Variants in MBD5 observed in about 807,000 individuals in gnomAD.
The protein encoded by MBD5 is methyl-CpG-binding domain protein 5.
A neutral mutation model predicts 117.3 loss-of-function variants in MBD5; 13 were observed. That is an observed-to-expected ratio of 0.11 (90% CI 0.07 to 0.18). The LOEUF is 0.18. Ranked by LOEUF, MBD5 falls within the 10% of genes least tolerant of loss-of-function variation. The pLI is 1.00. For synonymous variants in MBD5, 727 were observed against 766.4 expected (o/e 0.95, Z 0.85); for missense variants, 1,879 against 2,093.8 (o/e 0.90, Z 2.00).
chr2:148,287,618 G>A (rs1270359123), intron 3 of MBD5, among the ~76,000 whole-genome samples: 2 of 152,154 alleles, frequency 1.3e-5, no homozygotes, highest in South Asian at 2.1e-4. Context: ...AAAGAAAAAC[G>A]TATTTCTCAT....
At chr2:148,201,846 C>T (rs751265817) in intron 2 of MBD5, among the ~76,000 whole-genome samples, 8 of 151,402 alleles carry the variant, frequency 5.3e-5, no homozygotes, top group Non-Finnish European at 8.8e-5. Context: ...TGTGAGTATG[C>T]AAAAAAGGCT....
intron 3 of MBD5, among the ~76,000 whole-genome samples, chr2:148,276,510 A>G (rs1216898195): frequency 3.3e-5 from 5 of 152,204 alleles, no homozygotes; most frequent in Non-Finnish European, 5.9e-5. Context: ...TGCAGACCTT[A>G]TGAACTTTTA....
At chr2:148,150,532 A>G (rs1288695528) in intron 1 of MBD5, among the ~76,000 whole-genome samples, 1 of 152,178 alleles carries the variant, frequency 6.6e-6, no homozygotes, top group African/African-American at 2.4e-5. Context: ...TACCTTGGGC[A>G]GTATGGCCAT....
chr2:148,449,393 G>A (rs1008534825), intron 4 of MBD5, among the ~76,000 whole-genome samples: 40 of 151,938 alleles, frequency 2.6e-4, no homozygotes, highest in African/African-American at 9.2e-4. Flanking sequence ...AGCTCAGTTC[G>A]TAATAATTTC....
At chr2:148,348,958 G>A (rs1010283950) in intron 4 of MBD5, among the ~76,000 whole-genome samples, 4 of 151,860 alleles carry the variant, frequency 2.6e-5, no homozygotes, top group African/African-American at 7.2e-5. Flanking sequence ...ATACCATTTC[G>A]AACTAGTCAG....
chr2:148,145,724 T>C (rs1441033032), intron 1 of MBD5, among the ~76,000 whole-genome samples: 1 of 152,184 alleles, frequency 6.6e-6, no homozygotes, highest in East Asian at 1.9e-4. Flanking sequence ...TTTTTGTCTT[T>C]GGTCTGCTTA....
chr2:148,236,106 A>G (rs983302738), intron 3 of MBD5, among the ~76,000 whole-genome samples: 4 of 151,958 alleles, frequency 2.6e-5, no homozygotes, highest in African/African-American at 9.7e-5. Context: ...CCTCCTTTTG[A>G]TAGTGAAAGG....
At chr2:148,281,648 TC>T (rs758526215) in intron 3 of MBD5, among the ~76,000 whole-genome samples, 2 of 152,160 alleles carry the variant, frequency 1.3e-5, no homozygotes, top group Non-Finnish European at 2.9e-5. Context: ...GCTTTGGAAA[TC>T]ATTTTGCAGG....
At chr2:148,337,624 AT>A (rs1050949973) in intron 3 of MBD5, among the ~76,000 whole-genome samples, 1 of 152,008 alleles carries the variant, frequency 6.6e-6, no homozygotes, top group African/African-American at 2.4e-5. Context: ...ACTGAGAGAG[AT>A]TTTTTACTCC....
intron 4 of MBD5, among the ~76,000 whole-genome samples, chr2:148,429,764 T>C (rs760333295): frequency 2.0e-5 from 3 of 151,970 alleles, no homozygotes; most frequent in Non-Finnish European, 4.4e-5. Flanking sequence ...CCAAACACCA[T>C]ATGTTCTCAC....
At chr2:148,445,380 T>G (rs1302065942) in intron 4 of MBD5, among the ~76,000 whole-genome samples, 1 of 150,364 alleles carries the variant, frequency 6.7e-6, no homozygotes, top group Non-Finnish European at 1.5e-5. Flanking sequence ...AGTGAGAACA[T>G]GCGGTGTTTG....
intron 1 of MBD5, among the ~76,000 whole-genome samples, chr2:148,154,793 C>T (rs538889365): frequency 1.2e-3 from 188 of 152,294 alleles, no homozygotes; most frequent in African/African-American, 3.5e-3. Flanking sequence ...CTTCGGCTCG[C>T]GCACGGTGCA....
intron 4 of MBD5, among the ~76,000 whole-genome samples, chr2:148,352,596 A>C (rs1257355281): frequency 6.6e-6 from 1 of 152,084 alleles, no homozygotes; most frequent in African/African-American, 2.4e-5. Flanking sequence ...CATTTGAAAA[A>C]ATATTTTATG....
Position 148,469,450 on chromosome 2 carries a change from T to A in MBD5, c.1507T>A (p.Ser503Thr), listed in dbSNP as rs1281306312. 2 of 1,613,748 alleles carry A rather than the reference T, an allele frequency of 1.2e-6. No homozygotes were observed. Among genetic ancestry groups the A allele is most frequent in the East Asian group, 2.2e-5 (1 of 44,892 alleles). Residue 503 changes from serine (S) to threonine (T), a missense_variant, in exon 8 of 14, where the codon TCA (serine) becomes ACA (threonine). Ser to Thr is a moderately conservative substitution (Grantham distance 58). Transcript: ENST00000642680. ...GTCAACAATAGGGTCCCCAAGGCCATCAATGCCATCAAGCCCTTCTACCAA... is the reference window on the plus strand; with the variant it reads ...GTCAACAATAGGGTCCCCAAGGCCAACAATGCCATCAAGCCCTTCTACCAA... ...PRSTIGSPRP[S>T]MPSSPSTKSD...
At chr2:148,065,876 G>C (rs1258285381) in intron 1 of MBD5, among the ~76,000 whole-genome samples, 2 of 152,172 alleles carry the variant, frequency 1.3e-5, no homozygotes, top group Non-Finnish European at 2.9e-5. Flanking sequence ...TCAGCATTTA[G>C]TTGATGTGTA....
intron 2 of MBD5, among the ~76,000 whole-genome samples, chr2:148,187,014 A>G (rs1698677359): frequency 6.6e-6 from 1 of 152,250 alleles, no homozygotes; most frequent in African/African-American, 2.4e-5. Context: ...TCTCAATGCA[A>G]TAAACATTGC....
chr2:148,477,106 CA>C (rs1384346334), intron 8 of MBD5, among the ~76,000 whole-genome samples: 2 of 151,490 alleles, frequency 1.3e-5, no homozygotes, highest in Non-Finnish European at 2.9e-5. Context: ...AGAAAGGAAA[CA>C]AAACATTATG....
At chr2:148,132,093 G>A (rs531567262) in intron 1 of MBD5, among the ~76,000 whole-genome samples, 4 of 152,140 alleles carry the variant, frequency 2.6e-5, no homozygotes, top group African/African-American at 9.6e-5. Flanking sequence ...ATTAAAATGA[G>A]AATAATTATG....
chr2:148,066,735 C>T (rs1479362522), intron 1 of MBD5, among the ~76,000 whole-genome samples: 1 of 152,148 alleles, frequency 6.6e-6, no homozygotes, highest in African/African-American at 2.4e-5. Context: ...GCCTTGGCCT[C>T]CCAAAGTGCT....
Sources: gnomAD v4.1 joint callset for allele counts (sites outside exome capture counted in the v4.1 genomes callset) on GRCh38, gnomAD v4.1.1 for gene constraint, MANE v1.5 for transcripts, NCBI Gene and HGNC (gene_info 2026-07-23, HGNC 2026-07-21) for gene names.